DLEU7: variants seen among roughly 807,000 people sequenced by gnomAD.
The protein encoded by DLEU7 is leukemia-associated protein 7.
A neutral mutation model predicts 16.0 loss-of-function variants in DLEU7; 17 were observed. The ratio of observed to expected loss-of-function variants is 1.06; its 90% confidence interval spans 0.73 to 1.59. The LOEUF (loss-of-function observed/expected upper bound fraction) is 1.59. Ranked by LOEUF, DLEU7 falls within the 40% of genes most tolerant of loss-of-function variation. The pLI, the probability that DLEU7 is intolerant of heterozygous loss-of-function variation, is 0.00. For missense variants in DLEU7, 308 were observed against 314.9 expected (o/e 0.98, Z 0.17); for synonymous variants, 113 against 139.8 (o/e 0.81, Z 1.35).
chr13:50,834,201 T>G (rs549400351), intron 1 of DLEU7, among the ~76,000 whole-genome samples: 2 of 152,068 alleles, frequency 1.3e-5, no homozygotes. Flanking sequence ...AGGATCTAAT[T>G]AAACTAAAGA....
At chr13:50,759,215 T>C (rs1192361464) in intron 1 of DLEU7, among the ~76,000 whole-genome samples, 1 of 152,220 alleles carries the variant, frequency 6.6e-6, no homozygotes, top group African/African-American at 2.4e-5. Flanking sequence ...GTCTATCAGC[T>C]TCATTTAGAG....
At chr13:50,728,995 T>C (rs909695482) in intron 1 of DLEU7, among the ~76,000 whole-genome samples, 4 of 152,202 alleles carry the variant, frequency 2.6e-5, no homozygotes, top group Non-Finnish European at 4.4e-5. Context: ...ATAACTTTTT[T>C]TTCAGAATTC....
chr13:50,740,851 T>G (rs916310848), intron 1 of DLEU7, among the ~76,000 whole-genome samples: 1 of 152,160 alleles, frequency 6.6e-6, no homozygotes, highest in Admixed American at 6.5e-5. Flanking sequence ...TGTTCCTGCT[T>G]ATAAGTGAAA....
rs774194429 is a variant in DLEU7, at chr13:50,843,401, C to T, written c.246G>A (p.Arg82=). 14 of 1,319,150 alleles carry T rather than the reference C, an allele frequency of 1.1e-5. No homozygotes were observed. In the South Asian group the frequency reaches 2.9e-4, roughly 27 times the overall value. 81.7% of individuals were successfully genotyped at this position (1,319,150 alleles called of 1,614,324 possible). The change falls in exon 1 of 2, where the codon CGG becomes CGA. Residue 82 remains arginine (R), a synonymous_variant. Transcript: ENST00000504404. The surrounding 1 kb of genome is among the most constrained non-coding windows in gnomAD (Gnocchi z 5.7). Reference sequence around the variant, plus strand: ...CTACCTCCTCCTCTGGGGAGTTCGCCCGCGCCGCGGTCCGCCGACTCCTGG... The same window carrying T: ...CTACCTCCTCCTCTGGGGAGTTCGCTCGCGCCGCGGTCCGCCGACTCCTGG... The part of the protein sequence containing the change: ...VGTRSRRTAA[R]ANSPEEEVVR...
In DLEU7 at chr13:50,782,477, A is replaced by G. The variant is rs150157979; in HGVS notation, c.459+60711T>C. Among the ~76,000 whole-genome samples the G allele has an allele frequency of 7.9e-5, 12 of 151,898 alleles. No homozygotes were observed. The South Asian group carries it at 1.9e-3, about 24-fold the overall frequency. ...ATCTATGAATTCTCCCTCACTCTCA[A>G]CCTCCTTGTCCAAGAAGCTATTGCG... On this transcript the variant is annotated intron_variant, in intron 1 of 1. Coordinates refer to the DLEU7 transcript ENST00000400393.
At chr13:50,719,244 A>G (rs1414718222) in intron 1 of DLEU7, among the ~76,000 whole-genome samples, 2 of 152,224 alleles carry the variant, frequency 1.3e-5, no homozygotes, top group African/African-American at 4.8e-5. Flanking sequence ...ATAGTAAACC[A>G]GACTATCAGG....
intron 1 of DLEU7, among the ~76,000 whole-genome samples, chr13:50,790,351 G>C (rs572800606): frequency 6.6e-6 from 1 of 152,276 alleles, no homozygotes; most frequent in South Asian, 2.1e-4. Flanking sequence ...TTGTGTGTGA[G>C]AGAAGTTTGT....
At chr13:50,817,193 A>T (rs1482633318) in intron 1 of DLEU7, among the ~76,000 whole-genome samples, 3 of 152,194 alleles carry the variant, frequency 2.0e-5, no homozygotes, top group Non-Finnish European at 2.9e-5. Flanking sequence ...AATTATTGGT[A>T]CTTCTGTGCC....
intron 1 of DLEU7, among the ~76,000 whole-genome samples, chr13:50,812,390 C>T: frequency 6.6e-6 from 1 of 152,074 alleles, no homozygotes; most frequent in Non-Finnish European, 1.5e-5. Flanking sequence ...TTCTTCCAGC[C>T]CTCACATCTG....
intron 1 of DLEU7, among the ~76,000 whole-genome samples, chr13:50,773,036 C>T (rs981634961): frequency 1.3e-5 from 2 of 151,944 alleles, no homozygotes; most frequent in Admixed American, 1.3e-4. Context: ...TCACTGATAC[C>T]CTTTCTTCCA....
chr13:50,759,603 A>C (rs2137743479), intron 1 of DLEU7, among the ~76,000 whole-genome samples: 1 of 152,328 alleles, frequency 6.6e-6, no homozygotes, highest in African/African-American at 2.4e-5. Flanking sequence ...AGGGCACAGT[A>C]GTGATAGTAG....
intron 1 of DLEU7, among the ~76,000 whole-genome samples, chr13:50,713,982 G>A (rs979496607): frequency 2.0e-5 from 3 of 152,176 alleles, no homozygotes; most frequent in Admixed American, 1.3e-4. Context: ...TGTCGGCTGT[G>A]TTACAGAACT....
At chr13:50,743,680 G>T (rs1432372785) in intron 1 of DLEU7, among the ~76,000 whole-genome samples, 1 of 152,198 alleles carries the variant, frequency 6.6e-6, no homozygotes, top group African/African-American at 2.4e-5. Flanking sequence ...ATTAAAATAT[G>T]ATTAAGGATC....
intron 1 of DLEU7, among the ~76,000 whole-genome samples, chr13:50,840,982 G>T (rs1877639001): frequency 6.6e-6 from 1 of 152,114 alleles, no homozygotes; most frequent in South Asian, 2.1e-4. Context: ...AGGGCTAAAA[G>T]GATTTCCAAG....
At chr13:50,777,763 G>A (rs1875547590) in intron 1 of DLEU7, among the ~76,000 whole-genome samples, 1 of 152,146 alleles carries the variant, frequency 6.6e-6, no homozygotes, top group South Asian at 2.1e-4. Flanking sequence ...TCCCTAAGAA[G>A]CGTTGAGATG....
At chr13:50,843,726 G>A (rs1877773957), upstream of DLEU7, 9 of 1,460,908 alleles carry the variant, frequency 6.2e-6, no homozygotes, top group South Asian at 1.2e-4. This position sits in a 1 kb window ranked among gnomAD's most constrained non-coding sequence, Gnocchi z 5.7. Flanking sequence ...GGTCGCCAAG[G>A]TCACATTTTC....
intron 1 of DLEU7, among the ~76,000 whole-genome samples, chr13:50,794,250 C>A (rs969946734): frequency 6.6e-6 from 1 of 152,066 alleles, no homozygotes; most frequent in Admixed American, 6.6e-5. Flanking sequence ...GTTACACACC[C>A]CAGGCCCTTG....
chr13:50,816,003 G>T (rs1210949074), intron 1 of DLEU7, among the ~76,000 whole-genome samples: 2 of 152,074 alleles, frequency 1.3e-5, no homozygotes, highest in Non-Finnish European at 2.9e-5. Context: ...TTAAGCAAAA[G>T]TGTGAGGTCA....
rs1873376965 is a variant in DLEU7 at position 50,714,333 on chromosome 13, G to T, written c.460-1093C>A. 2.6e-5 allele frequency among the ~76,000 whole-genome samples: 4 copies of T among 152,208 alleles called. No individual in the cohort carries two copies. The South Asian group carries it at 8.3e-4, about 32-fold the overall frequency. ...CCCTAGTGGTGAATTCTCTTTCTGG[G>T]ATCTCAACTCCTTCTCCTGTCACCC... On this transcript the variant is annotated intron_variant, in intron 1 of 1. Transcript: ENST00000400393.
Sources: gnomAD v4.1 joint callset for allele counts (sites outside exome capture counted in the v4.1 genomes callset) on GRCh38, gnomAD v4.1.1 for gene constraint, Gnocchi (gnomAD v3.1) non-coding constraint, MANE v1.5 for transcripts, NCBI Gene and HGNC (gene_info 2026-07-23, HGNC 2026-07-21) for gene names.